The following KCNJ6 variants were observed in gnomAD, a reference collection of about 807,000 sequenced individuals.
The protein encoded by KCNJ6 is potassium inwardly rectifying channel subfamily J member 6.
KCNJ6 carries 9 observed loss-of-function variants against 34.2 expected under a neutral mutation model. The ratio of observed to expected loss-of-function variants is 0.26; its 90% CI spans 0.16 to 0.46. KCNJ6 has a LOEUF of 0.46. KCNJ6 is among the 20% of genes least tolerant of loss of function. The pLI, the probability that KCNJ6 is intolerant of heterozygous loss-of-function variation, is 1.00. For missense variants in KCNJ6, 236 were observed against 531.3 expected, an observed-to-expected ratio of 0.44 and a Z score of 5.46; for synonymous variants, 196 against 207.1, an observed-to-expected ratio of 0.95 and a Z score of 0.46.
At chr21:37,729,338 G>A (rs957157292) in intron 2 of KCNJ6, among the ~76,000 whole-genome samples, 2 of 151,792 alleles carry the variant, frequency 1.3e-5, no homozygotes, top group African/African-American at 2.4e-5. Flanking sequence ...TCTTTTTGGG[G>A]GGGGGGGCAG....
At chr21:37,798,857 C>A (rs1031087302) in intron 2 of KCNJ6, among the ~76,000 whole-genome samples, 2 of 152,072 alleles carry the variant, frequency 1.3e-5, no homozygotes, top group Admixed American at 6.6e-5. Flanking sequence ...TTTGAATACA[C>A]CTAAACCACT....
Position 37,685,706 on chromosome 21 carries a change from A to AAAAAAAG in KCNJ6, c.946+28504_946+28505insCTTTTTT, listed in dbSNP as rs78443969. The stretch of plus-strand genomic sequence containing the variant: ...CAAAAAAAAAAAAAAAAAAAAAAAA[A>AAAAAAAG]AATCTATCCTATGGATATCAGAGGT... On this transcript the variant is annotated intron_variant, in intron 3 of 3. Transcript: ENST00000609713. Among the ~76,000 whole-genome samples the AAAAAAAG allele has an allele frequency of 2.6e-3, 133 of 51,042 alleles. 42 individuals are homozygous for AAAAAAAG. Among genetic ancestry groups the AAAAAAAG allele is most frequent in the African/African-American group, 4.5e-3 (82 of 18,062 alleles). 33.5% of individuals were successfully genotyped at this position (51,042 alleles called of 152,430 possible).
intron 2 of KCNJ6, among the ~76,000 whole-genome samples, chr21:37,728,729 G>C (rs1601441461): frequency 6.6e-6 from 1 of 152,146 alleles, no homozygotes; most frequent in African/African-American, 2.4e-5. Context: ...TTGCAAAGCA[G>C]ATGTAGAGAA....
intron 2 of KCNJ6, among the ~76,000 whole-genome samples, chr21:37,810,686 C>T (rs2055318361): frequency 1.3e-5 from 2 of 152,128 alleles, no homozygotes; most frequent in Non-Finnish European, 2.9e-5. Context: ...ATTTGTGCTT[C>T]CTCTTTTGTG....
At chr21:37,660,365 C>T (rs1484800791) in intron 3 of KCNJ6, among the ~76,000 whole-genome samples, 1 of 152,186 alleles carries the variant, frequency 6.6e-6, no homozygotes, top group African/African-American at 2.4e-5. Context: ...GCATCATGTG[C>T]CCCAGGCTGG....
chr21:37,837,434 A>G, intron 2 of KCNJ6, among the ~76,000 whole-genome samples: 1 of 152,186 alleles, frequency 6.6e-6, no homozygotes, highest in South Asian at 2.1e-4. Context: ...GAGGTGGTTG[A>G]TGAATGGCAC....
At chr21:37,710,704 C>T (rs2054747113) in intron 3 of KCNJ6, among the ~76,000 whole-genome samples, 1 of 152,230 alleles carries the variant, frequency 6.6e-6, no homozygotes. Context: ...CATTTGCCCT[C>T]TATAAATAAC....
intron 3 of KCNJ6, among the ~76,000 whole-genome samples, chr21:37,681,531 A>T (rs1169629019): frequency 6.6e-6 from 1 of 151,938 alleles, no homozygotes; most frequent in African/African-American, 2.4e-5. Context: ...TAAACCTGTA[A>T]TTTGATGAAG....
rs75563661 is a variant in KCNJ6, at chr21:37,895,045, T to C, written c.-28+20839A>G. On this transcript the variant is annotated intron_variant, in intron 1 of 3. Coordinates refer to ENST00000609713, the MANE Select transcript of KCNJ6 (RefSeq NM_002240.5). ...GCTTCAGCCTCCTGAGTAGCTGACATTACAGATGCAAGTCATTGTGCCCAG... is the reference window on the plus strand; with the variant it reads ...GCTTCAGCCTCCTGAGTAGCTGACACTACAGATGCAAGTCATTGTGCCCAG... Among the ~76,000 whole-genome samples, 913 of 152,326 alleles carry C rather than the reference T, an allele frequency of 6.0e-3. 5 individuals carry two copies. The highest frequency in any genetic ancestry group is 0.01 in the Non-Finnish European group (708 of 68,030).
intron 1 of KCNJ6, among the ~76,000 whole-genome samples, chr21:37,885,559 A>C (rs1440929042): frequency 6.6e-6 from 1 of 152,196 alleles, no homozygotes; most frequent in Non-Finnish European, 1.5e-5. Flanking sequence ...GATTTGAAAC[A>C]TGAGAGGGAT....
chr21:37,743,195 A>C (rs1431479910), intron 2 of KCNJ6, among the ~76,000 whole-genome samples: 2 of 152,082 alleles, frequency 1.3e-5, no homozygotes. Flanking sequence ...ACTATGCTTT[A>C]CTCATTTTGT....
At chr21:37,797,572 C>A (rs370613234) in intron 2 of KCNJ6, among the ~76,000 whole-genome samples, 25 of 152,126 alleles carry the variant, frequency 1.6e-4, no homozygotes, top group Admixed American at 1.6e-3. Context: ...TGTTGACTCA[C>A]TACCAACTGA....
intron 2 of KCNJ6, among the ~76,000 whole-genome samples, chr21:37,728,363 G>A (rs1300790513): frequency 6.6e-6 from 1 of 152,174 alleles, no homozygotes; most frequent in Non-Finnish European, 1.5e-5. Flanking sequence ...GAAGAGTTCT[G>A]GAAATGGATG....
intron 1 of KCNJ6, among the ~76,000 whole-genome samples, chr21:37,886,930 T>C (rs1454949991): frequency 1.3e-5 from 2 of 150,806 alleles, no homozygotes; most frequent in African/African-American, 2.5e-5. Flanking sequence ...TGATCCAACC[T>C]TGTTTTTTTT....
chr21:37,665,335 G>A (rs769673684), intron 3 of KCNJ6, among the ~76,000 whole-genome samples: 35 of 152,192 alleles, frequency 2.3e-4, no homozygotes, highest in Non-Finnish European at 1.0e-4. Context: ...CATGGTGCCA[G>A]TCGTCTGTAT....
intron 1 of KCNJ6, among the ~76,000 whole-genome samples, chr21:37,853,565 G>A (rs1202507910): frequency 1.3e-5 from 2 of 151,932 alleles, no homozygotes; most frequent in Non-Finnish European, 2.9e-5. Context: ...AATAATAAAA[G>A]AAGCAATCTT....
At chr21:37,700,786 G>C (rs1338654231) in intron 3 of KCNJ6, among the ~76,000 whole-genome samples, 1 of 152,104 alleles carries the variant, frequency 6.6e-6, no homozygotes, top group African/African-American at 2.4e-5. Flanking sequence ...CATCTTAGGG[G>C]TACAGCTATA....
chr21:37,745,686 G>A (rs886871634), intron 2 of KCNJ6, among the ~76,000 whole-genome samples: 2 of 152,192 alleles, frequency 1.3e-5, no homozygotes, highest in Non-Finnish European at 2.9e-5. Flanking sequence ...ACAGGAGTAG[G>A]CAGATTCCCG....
At chr21:37,625,645 A>C (rs2054307529) in intron 3 of KCNJ6, among the ~76,000 whole-genome samples, 161 bp from the exon 4 acceptor site, 1 of 152,254 alleles carries the variant, frequency 6.6e-6, no homozygotes, top group Non-Finnish European at 1.5e-5. Flanking sequence ...ACACATGCTA[A>C]TGTGCCATGG....
Sources: allele counts gnomAD v4.1 joint callset (sites outside exome capture counted in the v4.1 genomes callset), GRCh38; gene constraint gnomAD v4.1.1; transcripts MANE v1.5; gene names NCBI Gene and HGNC (gene_info 2026-07-23, HGNC 2026-07-21).